Variants in NPNT observed in about 807,000 individuals in gnomAD.
NPNT encodes the protein nephronectin.
In NPNT, 45 loss-of-function variants were observed where a neutral mutation model predicts 68.6. That is an observed-to-expected ratio of 0.66 (90% CI 0.52 to 0.84). The LOEUF is 0.84. NPNT is among the 40% of genes least tolerant of loss of function. The pLI is 0.00. For missense variants in NPNT, 672 were observed against 714.8 expected, an observed-to-expected ratio of 0.94 and a Z score of 0.68; for synonymous variants, 233 against 253.3, an observed-to-expected ratio of 0.92 and a Z score of 0.76.
At chr4:105,957,009 G>T (rs535722858) in intron 8 of NPNT, among the ~76,000 whole-genome samples, 1 of 152,252 alleles carries the variant, frequency 6.6e-6, no homozygotes, top group South Asian at 2.1e-4. Flanking sequence ...AAAACAATAG[G>T]AACATCGTTG....
chr4:105,937,453 T>TAA (rs750526355), intron 4 of NPNT, among the ~76,000 whole-genome samples: 9 of 120,900 alleles, frequency 7.4e-5, no homozygotes, highest in African/African-American at 2.1e-4. Context: ...GATTCCAGGC[T>TAA]AAAAAAAAAA....
At chr4:105,903,023 C>T (rs1388646989) in intron 2 of NPNT, among the ~76,000 whole-genome samples, 1 of 152,100 alleles carries the variant, frequency 6.6e-6, no homozygotes, top group African/African-American at 2.4e-5. Flanking sequence ...AAGCACTCTC[C>T]TCTCTGCCAG....
Position 105,967,279 on chromosome 4 carries a change from G to A in NPNT, c.1437G>A (p.Gly479=), listed in dbSNP as rs1438467933. ...VLPLGRLMHS[G]DLCLSFRHKV... Reference sequence around the variant, plus strand: ...CTCTCGGCCGCCTCATGCATTCAGGGGACCTGTGCCTGTCATTCAGGCACA... The same window carrying A: ...CTCTCGGCCGCCTCATGCATTCAGGAGACCTGTGCCTGTCATTCAGGCACA... The change falls in exon 11 of 12, where the codon GGG becomes GGA. Residue 479 remains glycine (G), a synonymous_variant. Coordinates refer to ENST00000379987, the MANE Select transcript of NPNT (RefSeq NM_001033047.3). The A allele has an allele frequency of 1.2e-6, 2 of 1,614,022 alleles. No individual in the cohort carries two copies. Among genetic ancestry groups the A allele is most frequent in the African/African-American group, 1.3e-5 (1 of 75,020 alleles).
At chr4:105,897,838 C>T in intron 1 of NPNT, 63 bp from the exon 2 acceptor site, 2 of 1,300,566 alleles carry the variant, frequency 1.5e-6, no homozygotes, top group Non-Finnish European at 1.1e-6. Context: ...AGTAATAATA[C>T]AGAGGAAATT....
chr4:105,907,829 CTTAA>C (rs1306405038), intron 2 of NPNT, among the ~76,000 whole-genome samples: 1 of 152,062 alleles, frequency 6.6e-6, no homozygotes, highest in Non-Finnish European at 1.5e-5. Context: ...GATTTTATTA[CTTAA>C]TTACTACTGA....
chr4:105,898,999 A>G (rs973501198), intron 2 of NPNT, among the ~76,000 whole-genome samples: 1 of 152,126 alleles, frequency 6.6e-6, no homozygotes, highest in Non-Finnish European at 1.5e-5. Flanking sequence ...AGAGAAGGGC[A>G]GTTACGAAGG....
chr4:105,927,237 GT>G (rs1449302711), intron 2 of NPNT, 98 bp from the exon 3 acceptor site: 4 of 714,816 alleles, frequency 5.6e-6, no homozygotes, highest in South Asian at 1.9e-5. Flanking sequence ...GTAAGTTCTA[GT>G]TTTTTTTCTT....
At chr4:105,924,197 G>T (rs1578616832) in intron 2 of NPNT, among the ~76,000 whole-genome samples, 1 of 151,954 alleles carries the variant, frequency 6.6e-6, no homozygotes, top group Non-Finnish European at 1.5e-5. Flanking sequence ...CCTTGTTGTG[G>T]TTTAGCCAAT....
At chr4:105,915,445 C>T (rs1350063374) in intron 2 of NPNT, among the ~76,000 whole-genome samples, 1 of 151,966 alleles carries the variant, frequency 6.6e-6, no homozygotes, top group Non-Finnish European at 1.5e-5. Flanking sequence ...GAGAAACTTA[C>T]CTAAACAGTC....
At position 105,969,167 on chromosome 4, in the gene NPNT, A is replaced by G. The variant is rs527711089; in HGVS notation, c.*177A>G. Reference sequence around the variant, plus strand: ...CTGCTTTTGTGCAATCCCAATGAACAGTGATACCCTCCTTGAAATACAGGG... The same window carrying G: ...CTGCTTTTGTGCAATCCCAATGAACGGTGATACCCTCCTTGAAATACAGGG... On this transcript the variant is annotated 3_prime_UTR_variant, in exon 12 of 12. Transcript: ENST00000379987. The G allele has an allele frequency of 1.9e-6, 1 of 514,934 alleles. No homozygotes were observed. The highest frequency in any genetic ancestry group is 3.2e-5 in the South Asian group (1 of 31,176). 31.9% of individuals were successfully genotyped at this position (514,934 alleles called of 1,614,324 possible).
intron 8 of NPNT, among the ~76,000 whole-genome samples, chr4:105,954,965 C>A (rs1297986586): frequency 6.6e-6 from 1 of 152,208 alleles, no homozygotes; most frequent in Non-Finnish European, 1.5e-5. Flanking sequence ...ATAACAAGCT[C>A]TTAGCCCATG....
chr4:105,915,589 G>A (rs1727747010), intron 2 of NPNT, among the ~76,000 whole-genome samples: 2 of 152,154 alleles, frequency 1.3e-5, no homozygotes, highest in South Asian at 4.1e-4. Context: ...TAACATGGTG[G>A]CTGCAGTATT....
At chr4:105,959,322 T>C (rs191515554) in intron 10 of NPNT, among the ~76,000 whole-genome samples, 196 bp downstream of exon 10, 1 of 152,294 alleles carries the variant, frequency 6.6e-6, no homozygotes, top group African/African-American at 2.4e-5. Flanking sequence ...ACTAGCACTA[T>C]ATTATGGGAG....
chr4:105,932,152 G>A (rs1339874160), intron 3 of NPNT, among the ~76,000 whole-genome samples: 3 of 151,862 alleles, frequency 2.0e-5, no homozygotes, highest in Non-Finnish European at 4.4e-5. Flanking sequence ...GCATAATTTT[G>A]GAGTATTTTA....
Position 105,940,223 on chromosome 4 carries a change from A to G in NPNT, c.640+14A>G. On this transcript the variant is annotated intron_variant, in intron 6 of 11. Transcript: ENST00000379987. ...ATCAATGTCATGGTAATGAAACCCA[A>G]CCATTGCTTTGTGTTGTTTCTTCCT... 2 of 1,611,940 alleles carry G rather than the reference A, an allele frequency of 1.2e-6. No homozygotes were observed. Among genetic ancestry groups the G allele is most frequent in the Non-Finnish European group, 1.7e-6 (2 of 1,178,656 alleles).
chr4:105,967,864 T>C (rs1458590029), intron 11 of NPNT, among the ~76,000 whole-genome samples: 1 of 152,188 alleles, frequency 6.6e-6, no homozygotes, highest in African/African-American at 2.4e-5. Context: ...GGTTCTTTTT[T>C]CTTTTTTGAA....
chr4:105,940,238 T>C, intron 6 of NPNT, 29 bp downstream of exon 6: 4 of 1,607,498 alleles, frequency 2.5e-6, no homozygotes, highest in East Asian at 2.2e-5. Flanking sequence ...TGCTTTGTGT[T>C]GTTTCTTCCT....
At position 105,970,792 on chromosome 4, in the gene NPNT, A is replaced by T. The variant is rs1732511235; in HGVS notation, c.*1802A>T. ...AAGATGTTTTGATCCTACTAGTAGTATGCAGTGAAAATCTTTAGAACTAAA... is the reference window on the plus strand; with the variant it reads ...AAGATGTTTTGATCCTACTAGTAGTTTGCAGTGAAAATCTTTAGAACTAAA... On this transcript the variant is annotated 3_prime_UTR_variant, in exon 12 of 12. Transcript: ENST00000379987. The T allele has an allele frequency of 3.0e-6, 1 of 333,832 alleles. No individual in the cohort carries two copies. Among genetic ancestry groups the T allele is most frequent in the Non-Finnish European group, 5.8e-6 (1 of 172,252 alleles). The allele number at this position is 333,832 out of a possible 1,614,324, so 20.7% of individuals were successfully genotyped here. A position where few individuals can be genotyped will look rare whatever the true frequency, so the allele number is the denominator to read the frequency against.
chr4:105,959,878 C>T (rs1378444152), intron 10 of NPNT, among the ~76,000 whole-genome samples: 3 of 148,116 alleles, frequency 2.0e-5, no homozygotes, highest in Non-Finnish European at 3.0e-5. Context: ...GGCGCGATCT[C>T]GGCTCACTGC....
Sources: allele counts gnomAD v4.1 joint callset (sites outside exome capture counted in the v4.1 genomes callset), GRCh38; gene constraint gnomAD v4.1.1; transcripts MANE v1.5; gene names NCBI Gene and HGNC (gene_info 2026-07-23, HGNC 2026-07-21).